The following MYT1L variants were observed in gnomAD, a reference collection of about 807,000 sequenced individuals.
MYT1L encodes the protein myelin transcription factor 1 like.
In MYT1L, 12 loss-of-function variants were observed where a neutral mutation model predicts 126.7. That is an observed-to-expected ratio of 0.09 (90% confidence interval 0.06 to 0.15). MYT1L has a LOEUF of 0.15. Among genes scored for constraint, MYT1L ranks in the 10% least tolerant of loss-of-function variants. The probability of loss-of-function intolerance (pLI) is 1.00; values close to 1 mark genes in which losing one functional copy is unlikely to be tolerated. For synonymous variants in MYT1L, 541 were observed against 604.2 expected, an observed-to-expected ratio of 0.90 and a Z score of 1.53; for missense variants, 979 against 1,585.2, an observed-to-expected ratio of 0.62 and a Z score of 6.49.
Position 1,887,697 on chromosome 2 carries a change from C to T in MYT1L, c.2521-88G>A, listed in dbSNP as rs2048328715. On this transcript the variant is annotated intron_variant, in intron 16 of 24. Coordinates refer to ENST00000647738, the MANE Select transcript of MYT1L (RefSeq NM_001303052.2). The surrounding 1 kb of genome is among the most constrained non-coding windows in gnomAD (Gnocchi z 4.8). ...GTGGTTCGTGGCTCTGGGGTGGCCT[C>T]TACATCTTACACCTCTTTCTGCTGT... 6.7e-7 allele frequency: 1 copy of T among 1,482,026 alleles called. No individual in the cohort carries two copies. The highest frequency in any genetic ancestry group is 1.4e-5 in the African/African-American group (1 of 72,200). 91.8% of individuals were successfully genotyped at this position (1,482,026 alleles called of 1,614,324 possible).
In MYT1L at chr2:1,806,296, C is replaced by G. The variant is rs112053225; in HGVS notation, c.3172+2780G>C. On this transcript the variant is annotated intron_variant, in intron 22 of 24. Coordinates refer to ENST00000647738, the MANE Select transcript of MYT1L (RefSeq NM_001303052.2). This position sits in a 1 kb window ranked among gnomAD's most constrained non-coding sequence, Gnocchi z 4.9. ...GTTCTCCCAGTGACCTGCAGCTCCT[C>G]TTTTTTACCCATGGACGTGCGTGCA... is the stretch of plus-strand genomic sequence containing the variant. Among the ~76,000 whole-genome samples the G allele has an allele frequency of 0.042, 6,376 of 152,284 alleles. 192 individuals carry two copies. Among genetic ancestry groups the G allele is most frequent in the South Asian group, 0.1 (485 of 4,826 alleles).
At chr2:1,921,922 C>T (rs947761462) in intron 10 of MYT1L, among the ~76,000 whole-genome samples, 3 of 152,128 alleles carry the variant, frequency 2.0e-5, no homozygotes, top group African/African-American at 7.2e-5. Context: ...GTTACATAAA[C>T]CCTTGCCACT....
intron 2 of MYT1L, among the ~76,000 whole-genome samples, chr2:2,204,014 C>G (rs1204598244): frequency 2.6e-5 from 4 of 152,052 alleles, no homozygotes; most frequent in South Asian, 4.1e-4. Context: ...ATGGGGAAGG[C>G]ATTCCCTATT....
intron 4 of MYT1L, among the ~76,000 whole-genome samples, chr2:2,046,267 A>T (rs2068174916): frequency 1.3e-5 from 2 of 152,196 alleles, no homozygotes; most frequent in Non-Finnish European, 2.9e-5. Context: ...TACACAAATC[A>T]TAACATTACA....
At chr2:2,092,901 A>G (rs1487654218) in intron 3 of MYT1L, among the ~76,000 whole-genome samples, 1 of 152,212 alleles carries the variant, frequency 6.6e-6, no homozygotes, top group East Asian at 1.9e-4. Context: ...GAGACCGGGC[A>G]TCGCCCTGCC....
In MYT1L at chr2:1,922,009, A is replaced by G. The variant is rs1573593437; in HGVS notation, c.1483+277T>C. ...CTATCAAGTGATGTGTCTGTGCTTT[A>G]CCCCTGTCTTCCCAAGGAATGCATT... On this transcript the variant is annotated intron_variant, in intron 10 of 24. Coordinates refer to ENST00000647738, the MANE Select transcript of MYT1L (RefSeq NM_001303052.2). The surrounding 1 kb of genome is among the most constrained non-coding windows in gnomAD (Gnocchi z 7.4). 1.3e-5 allele frequency among the ~76,000 whole-genome samples: 2 copies of G among 152,170 alleles called. No individual in the cohort carries two copies. Among genetic ancestry groups the G allele is most frequent in the East Asian group, 1.9e-4 (1 of 5,196 alleles).
intron 4 of MYT1L, among the ~76,000 whole-genome samples, chr2:2,045,334 G>C (rs1175621947): frequency 6.6e-6 from 1 of 152,196 alleles, no homozygotes; most frequent in Non-Finnish European, 1.5e-5. Context: ...GATTTTGCCT[G>C]CCCTTCCTTA....
At chr2:2,122,766 A>C (rs558080293) in intron 3 of MYT1L, among the ~76,000 whole-genome samples, 7 of 151,250 alleles carry the variant, frequency 4.6e-5, no homozygotes, top group African/African-American at 1.7e-4. Context: ...GCATCAGTGG[A>C]GGGTTCTGTC....
chr2:2,013,168 T>C (rs940449294), intron 4 of MYT1L, among the ~76,000 whole-genome samples: 2 of 152,160 alleles, frequency 1.3e-5, no homozygotes, highest in Non-Finnish European at 2.9e-5. Context: ...GATATATTCA[T>C]GCGATGTCTC....
rs201247999 is a variant in MYT1L, at chr2:1,851,707, C to T, written c.2712-4G>A. On this transcript the variant is annotated splice_region_variant and splice_polypyrimidine_tract_variant and intron_variant, in intron 18 of 24. Coordinates refer to ENST00000647738, the MANE Select transcript of MYT1L (RefSeq NM_001303052.2). ...ATCACAGCCAGGCGTGGGGCACCTA[C>T]AATAAAAAATGCAAATTGTGTTAAA... is the stretch of plus-strand genomic sequence containing the variant. 2 of 1,613,242 alleles carry T rather than the reference C, an allele frequency of 1.2e-6. No individual in the cohort carries two copies. Among genetic ancestry groups the T allele is most frequent in the Non-Finnish European group, 1.7e-6 (2 of 1,179,458 alleles).
intron 2 of MYT1L, among the ~76,000 whole-genome samples, chr2:2,275,769 G>T (rs146086260): frequency 7.8e-4 from 119 of 152,240 alleles, no homozygotes; most frequent in African/African-American, 2.8e-3. Flanking sequence ...CTTTGCATGG[G>T]TTGATGTCTT....
At chr2:2,200,123 C>T (rs909840115) in intron 2 of MYT1L, among the ~76,000 whole-genome samples, 2 of 152,052 alleles carry the variant, frequency 1.3e-5, no homozygotes, top group African/African-American at 2.4e-5. Flanking sequence ...AGGCAGGTTT[C>T]GTGACAAGTG....
intron 3 of MYT1L, 89 bp downstream of exon 3, chr2:2,172,783 C>A (rs530367007): frequency 6.7e-6 from 1 of 149,042 alleles, no homozygotes; most frequent in Admixed American, 6.7e-5. Flanking sequence ...CCTTGCTGGG[C>A]AGGGGTACCT....
intron 9 of MYT1L, among the ~76,000 whole-genome samples, chr2:1,931,807 C>T (rs1392392415): frequency 7.9e-5 from 12 of 152,222 alleles, no homozygotes; most frequent in Admixed American, 7.8e-4. Context: ...CTGTCTTTTG[C>T]TTTCTGTCTC....
chr2:2,165,195 TTAAAGTATGTCTG>T (rs1407950642), intron 3 of MYT1L, among the ~76,000 whole-genome samples: 2 of 152,150 alleles, frequency 1.3e-5, no homozygotes, highest in Non-Finnish European at 2.9e-5. Context: ...CTCTGACAGT[TTAAAGTATGTCTG>T]TAAGGAAATG....
At chr2:2,180,322 T>C (rs1253582447) in intron 2 of MYT1L, among the ~76,000 whole-genome samples, 1 of 151,020 alleles carries the variant, frequency 6.6e-6, no homozygotes, top group African/African-American at 2.4e-5. Flanking sequence ...TAATATGTAC[T>C]CTCAAATAAT....
At chr2:1,964,842 G>T (rs2059216133) in intron 8 of MYT1L, among the ~76,000 whole-genome samples, 1 of 152,174 alleles carries the variant, frequency 6.6e-6, no homozygotes, top group Non-Finnish European at 1.5e-5. Context: ...CCAGAGGCAG[G>T]TCTGAGGTGT....
Position 2,260,706 on chromosome 2 carries a change from T to TA in MYT1L, c.-421+23697dup, listed in dbSNP as rs560154925. 5.9e-5 allele frequency among the ~76,000 whole-genome samples: 9 copies of TA among 152,298 alleles called. No homozygotes were observed. The South Asian group carries it at 1.9e-3, about 32-fold the overall frequency. On this transcript the variant is annotated intron_variant, in intron 2 of 24. Coordinates refer to ENST00000647738, the MANE Select transcript of MYT1L (RefSeq NM_001303052.2). ...GAGACTCTGCTTTATTAAAATTTCC[T>TA]AAAAGAATTTTCCCTAGATTTCCTT...
At position 1,910,633 on chromosome 2, in the gene MYT1L, G is replaced by A. The variant is rs571272100; in HGVS notation, c.1710-286C>T. Among the ~76,000 whole-genome samples the A allele has an allele frequency of 8.2e-4, 125 of 152,220 alleles. No individual in the cohort carries two copies. The highest frequency in any genetic ancestry group is 2.6e-3 in the African/African-American group (107 of 41,522). On this transcript the variant is annotated intron_variant, in intron 12 of 24. Coordinates refer to ENST00000647738, the MANE Select transcript of MYT1L (RefSeq NM_001303052.2). This position sits in a 1 kb window ranked among gnomAD's most constrained non-coding sequence, Gnocchi z 4.8. Reference sequence around the variant, plus strand: ...AGAGCATCCCAGCTCCCATGCATTCGGGAGGACATAGCTGGTGAAAACTGT... The same window carrying A: ...AGAGCATCCCAGCTCCCATGCATTCAGGAGGACATAGCTGGTGAAAACTGT...
Sources: allele counts gnomAD v4.1 joint callset (sites outside exome capture counted in the v4.1 genomes callset), GRCh38; gene constraint gnomAD v4.1.1; non-coding constraint Gnocchi (gnomAD v3.1); transcripts MANE v1.5; gene names NCBI Gene and HGNC (gene_info 2026-07-23, HGNC 2026-07-21).